The following KIRREL3 variants were observed in gnomAD, a reference collection of about 807,000 sequenced individuals.
KIRREL3 encodes kin of IRRE-like protein 3.
KIRREL3 carries 36 observed loss-of-function variants against 89.7 expected under a neutral mutation model. The observed-to-expected ratio is 0.40, with a 90% CI of 0.31 to 0.53. KIRREL3 has a LOEUF of 0.53. KIRREL3 is among the 20% of genes least tolerant of loss of function. The probability of loss-of-function intolerance (pLI) is 0.49; values close to 1 mark genes in which losing one functional copy is unlikely to be tolerated. For missense variants in KIRREL3, 864 were observed against 1,056.6 expected, an observed-to-expected ratio of 0.82 and a Z score of 2.53; for synonymous variants, 445 against 441.4, an observed-to-expected ratio of 1.01 and a Z score of -0.10.
intron 1 of KIRREL3, among the ~76,000 whole-genome samples, chr11:126,889,461 GT>G (rs1283915977): frequency 2.6e-5 from 4 of 151,948 alleles, no homozygotes; most frequent in African/African-American, 9.7e-5. Flanking sequence ...ATTTGTTTTG[GT>G]TTGATGTCCA....
chr11:126,840,877 A>G (rs1047898156), intron 1 of KIRREL3, among the ~76,000 whole-genome samples: 4 of 152,234 alleles, frequency 2.6e-5, no homozygotes, highest in Non-Finnish European at 4.4e-5. Context: ...CAATTTGGAG[A>G]TGCCAAAAAG....
rs1302288596 is a variant in KIRREL3, at chr11:126,639,720, CT to C, written c.56-76809del. Among the ~76,000 whole-genome samples the C allele has an allele frequency of 6.6e-6, 1 of 152,244 alleles. No individual in the cohort carries two copies. Among genetic ancestry groups the C allele is most frequent in the Non-Finnish European group, 1.5e-5 (1 of 68,046 alleles). ...ATATATTGGGCCCATCAATCACCCA[CT>C]TTCCAACTCATCTGTCTGGATCAGT... On this transcript the variant is annotated intron_variant, in intron 1 of 16. Coordinates refer to ENST00000525144, the MANE Select transcript of KIRREL3 (RefSeq NM_032531.4). The surrounding 1 kb of genome is among the most constrained non-coding windows in gnomAD (Gnocchi z 4.3).
intron 1 of KIRREL3, among the ~76,000 whole-genome samples, chr11:126,964,214 C>A (rs1213754793): frequency 1.3e-5 from 2 of 152,174 alleles, no homozygotes; most frequent in Non-Finnish European, 2.9e-5. Context: ...AGGATTCCAG[C>A]CCAGCTGATA....
rs927032962 is a variant in KIRREL3, at chr11:126,653,590, C to T, written c.56-90678G>A. Among the ~76,000 whole-genome samples, 1 of 152,150 alleles carries T rather than the reference C, an allele frequency of 6.6e-6. No homozygotes were observed. The highest frequency in any genetic ancestry group is 1.5e-5 in the Non-Finnish European group (1 of 68,020). On this transcript the variant is annotated intron_variant, in intron 1 of 16. Transcript: ENST00000525144. This position sits in a 1 kb window ranked among gnomAD's most constrained non-coding sequence, Gnocchi z 5.4. ...GAAGTGGCATTTTGCAAACTCCAATCCCCCAGGACCACATGTGAAGGAGCT... is the reference window on the plus strand; with the variant it reads ...GAAGTGGCATTTTGCAAACTCCAATTCCCCAGGACCACATGTGAAGGAGCT...
rs566795105 is a variant in KIRREL3, at chr11:126,734,461, C to A, written c.56-171549G>T. Among the ~76,000 whole-genome samples the A allele has an allele frequency of 6.6e-6, 1 of 151,984 alleles. No individual in the cohort carries two copies. Among genetic ancestry groups the A allele is most frequent in the African/African-American group, 2.4e-5 (1 of 41,386 alleles). On this transcript the variant is annotated intron_variant, in intron 1 of 16. Coordinates refer to ENST00000525144, the MANE Select transcript of KIRREL3 (RefSeq NM_032531.4). This position sits in a 1 kb window ranked among gnomAD's most constrained non-coding sequence, Gnocchi z 5.9. ...GGTGGATCACCTGAGGTCAGGAGTT[C>A]GAGACCAGCCTGACCAACATGGAGA...
intron 1 of KIRREL3, among the ~76,000 whole-genome samples, chr11:126,728,715 C>G (rs952194389): frequency 9.9e-5 from 15 of 152,266 alleles, no homozygotes; most frequent in African/African-American, 2.2e-4. Flanking sequence ...TGGAGTGAAG[C>G]CTGTTAAGCT....
chr11:126,516,983 A>G lies in KIRREL3; in HGVS notation c.433+4332T>C, dbSNP rs1394840232. 1.3e-5 allele frequency among the ~76,000 whole-genome samples: 2 copies of G among 152,148 alleles called. No homozygotes were observed. Among genetic ancestry groups the G allele is most frequent in the Non-Finnish European group, 2.9e-5 (2 of 68,016 alleles). On this transcript the variant is annotated intron_variant, in intron 4 of 16. Coordinates refer to ENST00000525144, the MANE Select transcript of KIRREL3 (RefSeq NM_032531.4). This position sits in a 1 kb window ranked among gnomAD's most constrained non-coding sequence, Gnocchi z 4.9. ...TCCCAGCTACTCAGGAGGCTGGAGC[A>G]GGAGGACCCAGAAGGCGGAGGTTGC...
At chr11:126,436,424 T>C (rs1385825731) in intron 12 of KIRREL3, among the ~76,000 whole-genome samples, 1 of 152,376 alleles carries the variant, frequency 6.6e-6, no homozygotes, top group East Asian at 1.9e-4. Context: ...CACCCAGGCA[T>C]GACACTTTGG....
Position 126,805,066 on chromosome 11 carries a change from CAGGTGTGTGGTAACCTGCAATGTTTTCGT to C in KIRREL3, c.55+195360_55+195388del, listed in dbSNP as rs1200799747. On this transcript the variant is annotated intron_variant, in intron 1 of 16. Coordinates refer to ENST00000525144, the MANE Select transcript of KIRREL3 (RefSeq NM_032531.4). This position sits in a 1 kb window ranked among gnomAD's most constrained non-coding sequence, Gnocchi z 4.3. ...GTTCATAGGGTCTGAGGAGTTTTAG[CAGGTGTGTGGTAACCTGCAATGTTTTCGT>C]AGGTGTGTGGTAACCTGCAATGAAG... is the stretch of plus-strand genomic sequence containing the variant. Among the ~76,000 whole-genome samples, 64 of 152,264 alleles carry C rather than the reference CAGGTGTGTGGTAACCTGCAATGTTTTCGT, an allele frequency of 4.2e-4. 1 individual carries two copies. Among genetic ancestry groups the C allele is most frequent in the African/African-American group, 1.3e-3 (54 of 41,552 alleles).
At chr11:126,543,370 G>A (rs1006678633) in intron 2 of KIRREL3, among the ~76,000 whole-genome samples, 3 of 152,150 alleles carry the variant, frequency 2.0e-5, no homozygotes, top group Admixed American at 6.5e-5. Flanking sequence ...CTTAGAAGCA[G>A]GTGTAGCCCT....
chr11:126,526,832 A>G lies in KIRREL3; in HGVS notation c.134-145T>C, dbSNP rs1464657855. 1 of 891,538 alleles carries G rather than the reference A, an allele frequency of 1.1e-6. No homozygotes were observed. Among genetic ancestry groups the G allele is most frequent in the South Asian group, 1.7e-5 (1 of 58,364 alleles). The allele number at this position is 891,538 out of a possible 1,614,324, so 55.2% of individuals were successfully genotyped here. A position where few individuals can be genotyped will look rare whatever the true frequency, so the allele number is the denominator to read the frequency against. ...GGCTTTCCTGCTGAGGGTCTGGTAG[A>G]GCTTCCTAACTGGTCTCAGCCCCAG... On this transcript the variant is annotated intron_variant, in intron 2 of 16. Transcript: ENST00000525144. The surrounding 1 kb of genome is among the most constrained non-coding windows in gnomAD (Gnocchi z 5.7).
intron 2 of KIRREL3, among the ~76,000 whole-genome samples, chr11:126,546,748 T>C (rs1300432333): frequency 6.6e-6 from 1 of 152,170 alleles, no homozygotes; most frequent in East Asian, 1.9e-4. Context: ...TTAACCCGGA[T>C]CTCTGATAAT....
intron 1 of KIRREL3, among the ~76,000 whole-genome samples, chr11:126,720,979 G>A (rs1948148595): frequency 6.6e-6 from 1 of 152,154 alleles, no homozygotes; most frequent in Admixed American, 6.5e-5. Context: ...AGGGGAGAGA[G>A]AGAAACTGGG....
In KIRREL3 at chr11:126,454,813, T is replaced by C. The variant is rs1457182261; in HGVS notation, c.848+1536A>G. On this transcript the variant is annotated intron_variant, in intron 7 of 16. Transcript: ENST00000525144. This position sits in a 1 kb window ranked among gnomAD's most constrained non-coding sequence, Gnocchi z 5.8. ...GGCTCAGAAGGGACCCTGGAGGTCATCTGTTCTTTCTTCTGACTCTAGTCA... is the reference window on the plus strand; with the variant it reads ...GGCTCAGAAGGGACCCTGGAGGTCACCTGTTCTTTCTTCTGACTCTAGTCA... Among the ~76,000 whole-genome samples the C allele has an allele frequency of 6.6e-6, 1 of 152,142 alleles. No homozygotes were observed. Among genetic ancestry groups the C allele is most frequent in the Non-Finnish European group, 1.5e-5 (1 of 68,014 alleles).
intron 1 of KIRREL3, among the ~76,000 whole-genome samples, chr11:126,745,651 A>C (rs1949124013): frequency 6.6e-6 from 1 of 152,212 alleles, no homozygotes; most frequent in African/African-American, 2.4e-5. Flanking sequence ...ATAAGAAAAA[A>C]GGTATTCAGG....
Position 126,429,162 on chromosome 11 carries a change from C to T in KIRREL3, c.1806+17G>A, listed in dbSNP as rs1411044368. ...AATGGAGTCACGGGATGGGATGGGG[C>T]GTAATTGCATTCTTACCATCAGCTG... On this transcript the variant is annotated intron_variant, in intron 15 of 16. Coordinates refer to ENST00000525144, the MANE Select transcript of KIRREL3 (RefSeq NM_032531.4). This position sits in a 1 kb window ranked among gnomAD's most constrained non-coding sequence, Gnocchi z 5.2. 15 of 1,505,014 alleles carry T rather than the reference C, an allele frequency of 1.0e-5. No homozygotes were observed. Among genetic ancestry groups the T allele is most frequent in the Middle Eastern group, 1.7e-4 (1 of 5,862 alleles). The allele number at this position is 1,505,014 out of a possible 1,614,324, so 93.2% of individuals were successfully genotyped here. A position where few individuals can be genotyped will look rare whatever the true frequency, so the allele number is the denominator to read the frequency against.
rs1411025652 is a variant in KIRREL3, at chr11:126,430,495, A to T, written c.1696+924T>A. On this transcript the variant is annotated intron_variant, in intron 14 of 16. Coordinates refer to ENST00000525144, the MANE Select transcript of KIRREL3 (RefSeq NM_032531.4). The surrounding 1 kb of genome is among the most constrained non-coding windows in gnomAD (Gnocchi z 6.6). ...TATATGCGTATGTGTATATATTTGT[A>T]TGCTTCCCTATAATTTCCACTGAGA... Among the ~76,000 whole-genome samples the T allele has an allele frequency of 1.3e-5, 2 of 152,108 alleles. No homozygotes were observed. Among genetic ancestry groups the T allele is most frequent in the African/African-American group, 2.4e-5 (1 of 41,410 alleles).
chr11:126,726,071 G>A (rs866705543), intron 1 of KIRREL3, among the ~76,000 whole-genome samples: 53 of 152,220 alleles, frequency 3.5e-4, no homozygotes, highest in African/African-American at 1.2e-3. Context: ...CCTGGAGAAC[G>A]CCCTTCTGAG....
At chr11:126,794,033 C>G (rs912982548) in intron 1 of KIRREL3, among the ~76,000 whole-genome samples, 1 of 152,070 alleles carries the variant, frequency 6.6e-6, no homozygotes, top group Non-Finnish European at 1.5e-5. Flanking sequence ...GAGAGCAGGG[C>G]TGGATTAAAG....
Sources: allele counts gnomAD v4.1 joint callset (sites outside exome capture counted in the v4.1 genomes callset), GRCh38; gene constraint gnomAD v4.1.1; non-coding constraint Gnocchi (gnomAD v3.1); transcripts MANE v1.5; gene names NCBI Gene and HGNC (gene_info 2026-07-23, HGNC 2026-07-21).